Variants in MOK observed in about 807,000 individuals in gnomAD.
MOK encodes MAPK/MAK/MRK overlapping kinase.
Under a neutral mutation model 54.2 loss-of-function variants are expected in MOK, and 59 were observed. The ratio of observed to expected loss-of-function variants is 1.09; its 90% CI spans 0.88 to 1.35. MOK has a LOEUF of 1.35. MOK is among the 40% of genes most tolerant of loss of function. The pLI is 0.00. For synonymous variants in MOK, 210 were observed against 202.7 expected (o/e 1.04, Z -0.31); for missense variants, 517 against 526.2 (o/e 0.98, Z 0.17).
At position 102,230,375 on chromosome 14, in the gene MOK, T is replaced by A. The variant is rs555358961; in HGVS notation, c.982-718A>T. 92 of 151,860 alleles carry A rather than the reference T, an allele frequency of 6.1e-4. 1 individual carries two copies. Among genetic ancestry groups the A allele is most frequent in the Middle Eastern group, 3.4e-3 (1 of 294 alleles). 9.4% of individuals were successfully genotyped at this position (151,860 alleles called of 1,614,324 possible). A position where few individuals can be genotyped will look rare whatever the true frequency, so the allele number is the denominator to read the frequency against. ...TTATTTTTAATGACTGAAAAAAAAATGTTTCATGGCATGTGAAAATTATGT... is the reference window on the plus strand; with the variant it reads ...TTATTTTTAATGACTGAAAAAAAAAAGTTTCATGGCATGTGAAAATTATGT... On this transcript the variant is annotated intron_variant, in intron 10 of 11. Transcript: ENST00000361847. This position sits in a 1 kb window ranked among gnomAD's most constrained non-coding sequence, Gnocchi z 4.1.
chr14:102,215,588 A>G, the MOK span, among the ~76,000 whole-genome samples: 1 of 152,066 alleles, frequency 6.6e-6, no homozygotes, highest in African/African-American at 2.4e-5. Flanking sequence ...CCCCGCATGC[A>G]TTAGGTATTT....
rs775365714 is a variant in MOK, at chr14:102,251,958, G to A, written c.321C>T (p.His107=). ...RYPLSEKKIM[H]YMYQLCKSLD... is the part of the protein sequence containing the mutation. ...GGGACTTACATAACTGGTACATATA[G>A]TGCATAATTTTTTTTTCTGATAATG... is the stretch of plus-strand genomic sequence containing the variant. The change falls in exon 5 of 12, where the codon CAC becomes CAT. Residue 107 remains histidine (H), a synonymous_variant. Transcript: ENST00000361847. 1 of 1,607,228 alleles carries A rather than the reference G, an allele frequency of 6.2e-7. No individual in the cohort carries two copies. The highest frequency in any genetic ancestry group is 8.5e-7 in the Non-Finnish European group (1 of 1,174,570).
chr14:102,251,777 T>C lies in MOK; in HGVS notation c.390A>G (p.Lys130=). Residue 130 remains lysine, a synonymous_variant, in exon 6 of 12, where the codon AAA becomes AAG. Transcript: ENST00000361847. ...TTACCTTTATTAGTATATTTTCTGG[T>C]TTTACATCTCTGTGAAATATTCCAT... ...HRNGIFHRDV[K]PENILIKQDV... The C allele has an allele frequency of 6.4e-7, 1 of 1,572,060 alleles. No homozygotes were observed. The highest frequency in any genetic ancestry group is 8.7e-7 in the Non-Finnish European group (1 of 1,143,514).
intron 7 of MOK, among the ~76,000 whole-genome samples, chr14:102,248,751 C>G (rs2066295644): frequency 7.2e-6 from 1 of 138,606 alleles, no homozygotes; most frequent in Non-Finnish European, 1.5e-5. Flanking sequence ...GCACTCCAGT[C>G]TGGGCGACAG....
At chr14:102,259,686 A>G (rs1305736787) in intron 4 of MOK, among the ~76,000 whole-genome samples, 1 of 152,192 alleles carries the variant, frequency 6.6e-6, no homozygotes. Context: ...CTTACTAGGT[A>G]TATAACCTTG....
rs571055767 is a variant in MOK at position 102,267,837 on chromosome 14, A to C, written c.123-1925T>G. On this transcript the variant is annotated intron_variant, in intron 2 of 11. Coordinates refer to ENST00000361847, the MANE Select transcript of MOK (RefSeq NM_014226.3). ...CCCACCATGCTGGAGCTGGGTCCTC[A>C]AAGTGGCCAGAACTAGGGAGTGCTG... 2.6e-3 allele frequency among the ~76,000 whole-genome samples: 400 copies of C among 152,292 alleles called. 3 individuals are homozygous for C. Among genetic ancestry groups the C allele is most frequent in the Non-Finnish European group, 4.8e-3 (324 of 68,018 alleles).
In MOK at chr14:102,238,881, C is replaced by G. The variant is rs2065453752; in HGVS notation, c.591-5092G>C. Among the ~76,000 whole-genome samples, 1 of 152,176 alleles carries G rather than the reference C, an allele frequency of 6.6e-6. No individual in the cohort carries two copies. The highest frequency in any genetic ancestry group is 2.4e-5 in the African/African-American group (1 of 41,436). On this transcript the variant is annotated intron_variant, in intron 7 of 11. Transcript: ENST00000361847. This position sits in a 1 kb window ranked among gnomAD's most constrained non-coding sequence, Gnocchi z 4.8. ...TCTCAAGGAGCCCTCCATTCCCCAT[C>G]TATTCCTACACACCAGCTAAGAGGA...
At position 102,263,550 on chromosome 14, in the gene MOK, T is replaced by C; in HGVS notation, c.279A>G (p.Ile93Met). 1 of 1,598,714 alleles carries C rather than the reference T, an allele frequency of 6.3e-7. No homozygotes were observed. The highest frequency in any genetic ancestry group is 1.1e-5 in the South Asian group (1 of 88,634). ...CTTTCAAATTATTCTACGTACCTCG[T>C]ATTAGCTCATAAATATTCATGTCCA... ...ELMDMNIYEL[I>M]RGRRYPLSEK... Residue 93 changes from isoleucine to methionine, a missense_variant, in exon 4 of 12, where the codon ATA (isoleucine) becomes ATG (methionine). Ile to Met is a conservative substitution (Grantham distance 10). Transcript: ENST00000361847.
chr14:102,248,737 C>T (rs1018987655), intron 7 of MOK, among the ~76,000 whole-genome samples: 1 of 144,166 alleles, frequency 6.9e-6, no homozygotes, highest in African/African-American at 2.6e-5. Flanking sequence ...CAGATCGCGC[C>T]ACTGCACTCC....
At chr14:102,247,563 C>T (rs938791604) in intron 7 of MOK, 3 of 152,214 alleles carry the variant, frequency 2.0e-5, no homozygotes, top group African/African-American at 4.8e-5. Flanking sequence ...CGGGATTAAC[C>T]ACCTCTGTTT....
At chr14:102,290,850 A>G (rs570208997) in intron 1 of MOK, among the ~76,000 whole-genome samples, 19 of 152,304 alleles carry the variant, frequency 1.2e-4, no homozygotes, top group Middle Eastern at 6.8e-3. Context: ...TTCCCTGCAT[A>G]TGAGATGAGT....
intron 2 of MOK, among the ~76,000 whole-genome samples, chr14:102,269,289 C>G (rs977183814): frequency 1.3e-5 from 2 of 151,526 alleles, no homozygotes; most frequent in African/African-American, 4.9e-5. Context: ...CAGGTGCAAG[C>G]TATTGTCCTG....
chr14:102,296,238 T>C (rs1306720983), intron 1 of MOK, among the ~76,000 whole-genome samples: 1 of 116,774 alleles, frequency 8.6e-6, no homozygotes, highest in East Asian at 2.4e-4. Flanking sequence ...AGACTGAGAG[T>C]ACGTCTCAAA....
intron 1 of MOK, among the ~76,000 whole-genome samples, chr14:102,297,148 G>A (rs938559084): frequency 6.6e-6 from 1 of 152,058 alleles, no homozygotes; most frequent in Non-Finnish European, 1.5e-5. Flanking sequence ...ACGAGGTCAG[G>A]AGATCAAGAC....
chr14:102,228,126 T>C (rs1666239588), downstream of MOK, among the ~76,000 whole-genome samples: 1 of 152,200 alleles, frequency 6.6e-6, no homozygotes, highest in Non-Finnish European at 1.5e-5. Context: ...GGTTTCTCTT[T>C]CTAGGACACA....
chr14:102,297,564 T>C (rs988608190), intron 1 of MOK, among the ~76,000 whole-genome samples: 2 of 152,236 alleles, frequency 1.3e-5, no homozygotes, highest in African/African-American at 2.4e-5. Context: ...CTGGCCACGC[T>C]TGAGGAGCCC....
intron 2 of MOK, chr14:102,278,650 G>C (rs1392163732): frequency 2.2e-6 from 1 of 454,598 alleles, no homozygotes; most frequent in East Asian, 6.9e-5. Context: ...GGGTAGCAAC[G>C]GGCCAGGTGG....
At chr14:102,283,454 C>T in intron 2 of MOK, 24 bp downstream of exon 2, 1 of 1,514,810 alleles carries the variant, frequency 6.6e-7, no homozygotes, top group South Asian at 1.2e-5. Flanking sequence ...TGTGTTTGGT[C>T]CCAAGTGCAT....
chr14:102,250,344 C>A (rs1310173289), intron 7 of MOK, among the ~76,000 whole-genome samples: 1 of 152,076 alleles, frequency 6.6e-6, no homozygotes, highest in Non-Finnish European at 1.5e-5. Context: ...CTGCTCCTTG[C>A]CAAAGGCTGG....
Sources: allele counts gnomAD v4.1 joint callset (sites outside exome capture counted in the v4.1 genomes callset), GRCh38; gene constraint gnomAD v4.1.1; non-coding constraint Gnocchi (gnomAD v3.1); transcripts MANE v1.5; gene names NCBI Gene and HGNC (gene_info 2026-07-23, HGNC 2026-07-21).